The following RBFOX3 variants were observed in gnomAD, a reference collection of about 807,000 sequenced individuals.
The protein encoded by RBFOX3 is RNA binding protein fox-1 homolog 3.
RBFOX3 carries 17 observed loss-of-function variants against 48.7 expected under a neutral mutation model. The ratio of observed to expected loss-of-function variants is 0.35; its 90% confidence interval spans 0.24 to 0.52. The LOEUF is 0.52. Ranked by LOEUF, RBFOX3 falls within the 20% of genes least tolerant of loss-of-function variation. The probability of loss-of-function intolerance (pLI) is 0.94; values close to 1 mark genes in which losing one functional copy is unlikely to be tolerated. For synonymous variants in RBFOX3, 212 were observed against 209.5 expected (o/e 1.01, Z -0.10); for missense variants, 382 against 497.5 (o/e 0.77, Z 2.21).
chr17:79,495,483 A>AAGGTGGGGGAGGGGGTGCAGAGGGTGG (rs2081325377), intron 1 of RBFOX3, among the ~76,000 whole-genome samples: 1 of 3,920 alleles, frequency 2.6e-4, no homozygotes, highest in Non-Finnish European at 4.7e-4. Flanking sequence ...CAAAAAGGCA[A>AAGGTGGGGGAGGGGGTGCAGAGGGTGG]GAAGGTGGGG....
chr17:79,491,916 C>T (rs886497409), intron 1 of RBFOX3, among the ~76,000 whole-genome samples: 42 of 152,150 alleles, frequency 2.8e-4, no homozygotes, highest in African/African-American at 8.9e-4. Context: ...CCTGTCTCTA[C>T]TAAAAAACTA....
intron 1 of RBFOX3, among the ~76,000 whole-genome samples, chr17:79,562,328 C>T (rs1373796218): frequency 5.9e-5 from 9 of 152,178 alleles, no homozygotes; most frequent in South Asian, 2.1e-4. Flanking sequence ...TGGCTCTCTC[C>T]GCCGTCCATC....
At chr17:79,555,833 T>C (rs2091708988) in intron 1 of RBFOX3, among the ~76,000 whole-genome samples, 1 of 152,036 alleles carries the variant, frequency 6.6e-6, no homozygotes, top group Non-Finnish European at 1.5e-5. Flanking sequence ...ATAGTAATGA[T>C]GGTGGTGATG....
chr17:79,432,803 C>T (rs1283005491), intron 2 of RBFOX3, among the ~76,000 whole-genome samples: 1 of 152,168 alleles, frequency 6.6e-6, no homozygotes, highest in Non-Finnish European at 1.5e-5. Flanking sequence ...ATTCTGCAAG[C>T]TCCTCTTCTT....
At chr17:79,134,730 G>A (rs2039773492) in intron 4 of RBFOX3, among the ~76,000 whole-genome samples, 1 of 152,050 alleles carries the variant, frequency 6.6e-6, no homozygotes, top group Admixed American at 6.5e-5. Context: ...AGTTCCCCCT[G>A]GGGGAAGAGG....
the RBFOX3 span, among the ~76,000 whole-genome samples, chr17:79,656,759 AAGGAAG>A: frequency 5.7e-5 from 1 of 17,628 alleles, no homozygotes; most frequent in African/African-American, 1.4e-4. Context: ...AGAAGGAAGG[AAGGAAG>A]GAAGGAAGGA....
At chr17:79,187,728 C>G (rs375119410) in intron 4 of RBFOX3, among the ~76,000 whole-genome samples, 7 of 152,248 alleles carry the variant, frequency 4.6e-5, no homozygotes, top group East Asian at 1.9e-4. Context: ...ATTAATGTCC[C>G]AATTCAGCAG....
intron 4 of RBFOX3, among the ~76,000 whole-genome samples, chr17:79,188,807 G>A (rs1313775126): frequency 6.6e-6 from 1 of 152,270 alleles, no homozygotes; most frequent in African/African-American, 2.4e-5. Context: ...GCACTGTGAT[G>A]TTCCACCCCA....
At chr17:79,646,881 T>C in the RBFOX3 span, among the ~76,000 whole-genome samples, 2 of 152,154 alleles carry the variant, frequency 1.3e-5, no homozygotes, top group Non-Finnish European at 2.9e-5. Flanking sequence ...TTTCCCCAGA[T>C]ACCCACACAG....
At chr17:79,127,655 C>T (rs901741275) in intron 4 of RBFOX3, among the ~76,000 whole-genome samples, 14 of 152,150 alleles carry the variant, frequency 9.2e-5, no homozygotes, top group African/African-American at 2.7e-4. Flanking sequence ...CATCAGAGGC[C>T]GGTTCCTATT....
intron 3 of RBFOX3, among the ~76,000 whole-genome samples, chr17:79,275,662 C>T (rs967018445): frequency 5.9e-5 from 9 of 152,188 alleles, no homozygotes; most frequent in Middle Eastern, 3.2e-3. Flanking sequence ...CCAGATGCAT[C>T]GGCCACCCTC....
chr17:79,150,513 G>C (rs7503202), intron 4 of RBFOX3, among the ~76,000 whole-genome samples: 97,881 of 151,994 alleles, frequency 0.64, 31,887 homozygotes, highest in Non-Finnish European at 0.69. Flanking sequence ...ATAGGAGGCA[G>C]CTGAACTGCC....
chr17:79,433,969 A>C (rs1555729736), intron 2 of RBFOX3, among the ~76,000 whole-genome samples: 4 of 152,202 alleles, frequency 2.6e-5, no homozygotes, highest in Non-Finnish European at 5.9e-5. Flanking sequence ...CTCACGGCTA[A>C]CAGCACTAGA....
At chr17:79,207,918 A>T (rs1254019708) in intron 4 of RBFOX3, among the ~76,000 whole-genome samples, 1 of 152,210 alleles carries the variant, frequency 6.6e-6, no homozygotes, top group African/African-American at 2.4e-5. Flanking sequence ...CTATACAATT[A>T]ATCAATGTTT....
At chr17:79,372,403 C>T (rs1188990523) in intron 2 of RBFOX3, among the ~76,000 whole-genome samples, 1 of 146,316 alleles carries the variant, frequency 6.8e-6, no homozygotes, top group Non-Finnish European at 1.5e-5. Flanking sequence ...CCTATGGGCT[C>T]CCCCATCCTA....
chr17:79,340,308 A>G (rs2081875694), intron 2 of RBFOX3, among the ~76,000 whole-genome samples: 1 of 150,374 alleles, frequency 6.7e-6, no homozygotes, highest in South Asian at 2.1e-4. Context: ...CAAAAAAAAA[A>G]ACAAAAAACA....
chr17:79,155,092 G>A (rs917157725), intron 4 of RBFOX3, among the ~76,000 whole-genome samples: 5 of 152,236 alleles, frequency 3.3e-5, no homozygotes, highest in African/African-American at 4.8e-5. Flanking sequence ...ACGTGAGCTC[G>A]GCCCAGCGGT....
At chr17:79,629,703 C>CTAGA in the RBFOX3 span, among the ~76,000 whole-genome samples, 1 of 152,324 alleles carries the variant, frequency 6.6e-6, no homozygotes, top group Non-Finnish European at 1.5e-5. Context: ...GATTTATGTA[C>CTAGA]TAGAATATTT....
chr17:79,222,553 C>T (rs912247219), intron 4 of RBFOX3, among the ~76,000 whole-genome samples: 8 of 152,206 alleles, frequency 5.3e-5, no homozygotes, highest in African/African-American at 1.4e-4. Flanking sequence ...AGCCCCTTGC[C>T]GAGGCCAGTG....
Sources: gnomAD v4.1 joint callset for allele counts (sites outside exome capture counted in the v4.1 genomes callset) on GRCh38, gnomAD v4.1.1 for gene constraint, MANE v1.5 for transcripts, NCBI Gene and HGNC (gene_info 2026-07-23, HGNC 2026-07-21) for gene names.